Variants in FRMD4B observed in about 807,000 individuals in gnomAD.
The protein encoded by FRMD4B is FERM domain containing 4B.
Under a neutral mutation model 141.5 loss-of-function variants are expected in FRMD4B, and 74 were observed. That is an observed-to-expected ratio of 0.52 (90% CI 0.43 to 0.63). The LOEUF is 0.63. Ranked by LOEUF, FRMD4B falls within the 30% of genes least tolerant of loss-of-function variation. FRMD4B has a pLI of 0.00. For missense variants in FRMD4B, 1,366 were observed against 1,253.4 expected (o/e 1.09, Z -1.36); for synonymous variants, 506 against 467.9 (o/e 1.08, Z -1.05).
chr3:69,249,990 C>G lies in FRMD4B; in HGVS notation c.558+53G>C, dbSNP rs1575657280. Reference sequence around the variant, plus strand: ...AAGTTTCAGAGTTGCAGGCAGTTAACAAAAACGAACAAACACAAGGGAGCT... The same window carrying G: ...AAGTTTCAGAGTTGCAGGCAGTTAAGAAAAACGAACAAACACAAGGGAGCT... On this transcript the variant is annotated intron_variant, in intron 6 of 22. Coordinates refer to ENST00000398540, the MANE Select transcript of FRMD4B (RefSeq NM_015123.3). 11 of 1,230,388 alleles carry G rather than the reference C, an allele frequency of 8.9e-6. No individual in the cohort carries two copies. In the South Asian group the frequency reaches 1.3e-4, roughly 15 times the overall value. 76.2% of individuals were successfully genotyped at this position (1,230,388 alleles called of 1,614,324 possible).
intron 7 of FRMD4B, among the ~76,000 whole-genome samples, chr3:69,243,586 T>C (rs2093403752): frequency 6.6e-6 from 1 of 152,172 alleles, no homozygotes. Flanking sequence ...GGAAGGTAGC[T>C]GGAAGTTACG....
At chr3:69,267,575 ATATGTGTGTG>A (rs200443019) in intron 5 of FRMD4B, among the ~76,000 whole-genome samples, 140 of 12,258 alleles carry the variant, frequency 0.011, no homozygotes, top group South Asian at 0.037. Context: ...ACATATATAT[ATATGTGTGTG>A]TGTGTGTGTG....
At chr3:69,497,074 A>G (rs555711247) in intron 1 of FRMD4B, among the ~76,000 whole-genome samples, 90 of 152,172 alleles carry the variant, frequency 5.9e-4, no homozygotes, top group African/African-American at 2.1e-3. Flanking sequence ...AAGCAATGAC[A>G]TATGCTGTAT....
At chr3:69,439,048 T>C (rs1237976281) in intron 1 of FRMD4B, among the ~76,000 whole-genome samples, 1 of 77,742 alleles carries the variant, frequency 1.3e-5, no homozygotes, top group Non-Finnish European at 2.3e-5. Context: ...TTAGTTCGTG[T>C]GCGTGTGTGT....
In FRMD4B at chr3:69,198,693, C is replaced by A; in HGVS notation, c.953+5G>T. On this transcript the variant is annotated splice_donor_5th_base_variant and intron_variant, in intron 12 of 22. Transcript: ENST00000398540. ...GTCATACAGAGAAACGTCTTTGATCCTCACCTTCGTGGATCATGAACTTCA... is the reference window on the plus strand; with the variant it reads ...GTCATACAGAGAAACGTCTTTGATCATCACCTTCGTGGATCATGAACTTCA... 1 of 1,471,506 alleles carries A rather than the reference C, an allele frequency of 6.8e-7. No individual in the cohort carries two copies. The highest frequency in any genetic ancestry group is 9.4e-7 in the Non-Finnish European group (1 of 1,064,822). 91.2% of individuals were successfully genotyped at this position (1,471,506 alleles called of 1,614,324 possible).
chr3:69,245,876 T>G (rs867440540), intron 7 of FRMD4B, among the ~76,000 whole-genome samples: 1 of 148,500 alleles, frequency 6.7e-6, no homozygotes, highest in Non-Finnish European at 1.5e-5. Context: ...TCACTCTTGT[T>G]GCCCAGGCTG....
At chr3:69,185,125 A>C (rs1402207959) in intron 19 of FRMD4B, among the ~76,000 whole-genome samples, 1 of 151,886 alleles carries the variant, frequency 6.6e-6, no homozygotes, top group Non-Finnish European at 1.5e-5. Flanking sequence ...AATATGAAAC[A>C]CCGTCTCTAC....
intron 1 of FRMD4B, among the ~76,000 whole-genome samples, chr3:69,527,390 G>A (rs1157248769): frequency 6.6e-6 from 1 of 152,150 alleles, no homozygotes; most frequent in Non-Finnish European, 1.5e-5. Flanking sequence ...TGAGTGAGTG[G>A]AGGTCCCGAA....
intron 7 of FRMD4B, among the ~76,000 whole-genome samples, chr3:69,233,604 G>A (rs1425574956): frequency 6.6e-6 from 1 of 151,992 alleles, no homozygotes; most frequent in Non-Finnish European, 1.5e-5. Flanking sequence ...ATAGTTAAGT[G>A]CCTATTTGAA....
At chr3:69,339,673 C>T (rs1702670597) in intron 1 of FRMD4B, among the ~76,000 whole-genome samples, 1 of 151,928 alleles carries the variant, frequency 6.6e-6, no homozygotes, top group Non-Finnish European at 1.5e-5. Context: ...CTGCAGGCCT[C>T]GAAAAAAAGG....
At chr3:69,310,875 T>G (rs1011942440) in intron 3 of FRMD4B, among the ~76,000 whole-genome samples, 10 of 152,148 alleles carry the variant, frequency 6.6e-5, no homozygotes, top group African/African-American at 2.4e-4. Context: ...AAATTTGCCT[T>G]TAAGCTCTCT....
chr3:69,471,059 GC>G (rs1705880948), intron 1 of FRMD4B, among the ~76,000 whole-genome samples: 1 of 152,136 alleles, frequency 6.6e-6, no homozygotes, highest in Admixed American at 6.5e-5. Flanking sequence ...TTAAGAAATT[GC>G]CCATGGCATA....
intron 11 of FRMD4B, among the ~76,000 whole-genome samples, chr3:69,207,807 A>T (rs999143693): frequency 1.1e-4 from 12 of 108,402 alleles, no homozygotes; most frequent in Non-Finnish European, 2.1e-4. Context: ...ACTCCGTCTC[A>T]AAAAAAAAAA....
At position 69,287,786 on chromosome 3, in the gene FRMD4B, A is replaced by C; in HGVS notation, c.467T>G (p.Leu156Arg). ...SFLKDKTTVELFFLNAKACVH... is the reference protein window; with the variant it reads ...SFLKDKTTVERFFLNAKACVH... ...ACAGGCCTTTGCATTCAGGAAAAAC[A>C]GCTCCACGGTGGTTTTATCCTTTAA... Residue 156 changes from leucine to arginine, a missense_variant, in exon 5 of 23, where the codon CTG (leucine) becomes CGG (arginine). Physicochemically the swap from Leu to Arg is moderately radical, Grantham distance 102. Transcript: ENST00000398540. The C allele has an allele frequency of 9.3e-6, 15 of 1,605,778 alleles. No individual in the cohort carries two copies. Among genetic ancestry groups the C allele is most frequent in the Non-Finnish European group, 1.1e-5 (13 of 1,173,448 alleles).
rs2092865751 is a variant in FRMD4B, at chr3:69,193,696, G to A, written c.1666C>T (p.Arg556Ter). 6.2e-7 allele frequency: 1 copy of A among 1,612,758 alleles called. No individual in the cohort carries two copies. The highest frequency in any genetic ancestry group is 8.5e-7 in the Non-Finnish European group (1 of 1,179,380). Reference sequence around the variant, plus strand: ...CTGGGTTTCTTTCCACACCTAATTCGGTATTCGTTTATTGCATTTTCAATC... The same window carrying A: ...CTGGGTTTCTTTCCACACCTAATTCAGTATTCGTTTATTGCATTTTCAATC... ...QEIENAINEY[R>*]IRCGKKPSQK... Residue 556 changes from arginine to a stop codon, truncating the protein, a stop_gained, in exon 17 of 23, where the codon CGA (arginine) becomes TGA (stop). Transcript: ENST00000398540. LOFTEE classifies it high-confidence loss of function.
intron 1 of FRMD4B, among the ~76,000 whole-genome samples, chr3:69,526,512 C>G (rs1262891084): frequency 6.6e-6 from 1 of 152,166 alleles, no homozygotes; most frequent in Non-Finnish European, 1.5e-5. Context: ...AGGCAACAGG[C>G]TGGCACCATA....
chr3:69,536,151 G>T, intron 1 of FRMD4B: 1 of 516,414 alleles, frequency 1.9e-6, no homozygotes, highest in Non-Finnish European at 3.6e-6. Context: ...GGAGCCTTCT[G>T]CACCTCTGCT....
chr3:69,528,200 TG>T (rs1456676090), intron 1 of FRMD4B, among the ~76,000 whole-genome samples: 1 of 152,184 alleles, frequency 6.6e-6, no homozygotes, highest in African/African-American at 2.4e-5. Flanking sequence ...TGGGACTCAA[TG>T]GCAAGGACTA....
intron 2 of FRMD4B, among the ~76,000 whole-genome samples, chr3:69,396,058 T>C (rs983868158): frequency 6.6e-6 from 1 of 152,226 alleles, no homozygotes; most frequent in Admixed American, 6.5e-5. Flanking sequence ...GCAGAAAATG[T>C]TGGTTGTCTG....
Sources: allele counts gnomAD v4.1 joint callset (sites outside exome capture counted in the v4.1 genomes callset), GRCh38; gene constraint gnomAD v4.1.1; transcripts MANE v1.5; gene names NCBI Gene and HGNC (gene_info 2026-07-23, HGNC 2026-07-21).